Variants in BORCS8 observed in about 807,000 individuals in gnomAD.
BORCS8 encodes the protein BLOC-1 related complex subunit 8.
In BORCS8, 13 loss-of-function variants were observed where a neutral mutation model predicts 18.7. The ratio of observed to expected loss-of-function variants is 0.70; its 90% CI spans 0.45 to 1.11. The LOEUF (loss-of-function observed/expected upper bound fraction) is 1.11. Ranked by LOEUF, BORCS8 falls within the 50% of genes least tolerant of loss-of-function variation. The pLI is 0.00. For synonymous variants in BORCS8, 68 were observed against 64.8 expected, an observed-to-expected ratio of 1.05 and a Z score of -0.24; for missense variants, 165 against 165.7, an observed-to-expected ratio of 1.00 and a Z score of 0.02.
intron 1 of BORCS8, among the ~76,000 whole-genome samples, chr19:19,190,526 C>T (rs951807154): frequency 2.0e-5 from 3 of 152,220 alleles, no homozygotes; most frequent in Non-Finnish European, 4.4e-5. Context: ...CGGTGGCCCA[C>T]GCCTGTAATT....
At chr19:19,188,796 T>C (rs751662411) in intron 1 of BORCS8, among the ~76,000 whole-genome samples, 76 of 152,102 alleles carry the variant, frequency 5.0e-4, no homozygotes, top group Non-Finnish European at 1.0e-3. Flanking sequence ...AGCCCTGCCC[T>C]GTTTCCCCTT....
chr19:19,186,551 TC>T (rs1350310547), intron 2 of BORCS8, among the ~76,000 whole-genome samples: 7 of 152,144 alleles, frequency 4.6e-5, no homozygotes, highest in Admixed American at 4.6e-4. Context: ...ATAAGGGGCC[TC>T]CCCCTTCACT....
In BORCS8 at chr19:19,182,236, A is replaced by G. The variant is rs2060356312; in HGVS notation, c.326+337T>C. On this transcript the variant is annotated intron_variant, in intron 4 of 5. Transcript: ENST00000462790. This position sits in a 1 kb window ranked among gnomAD's most constrained non-coding sequence, Gnocchi z 4.1. Reference sequence around the variant, plus strand: ...CATGTAACTCATGCCACCTCCTAGGAGGGGCCCCGCAGTGTTCTTCACAGC... The same window carrying G: ...CATGTAACTCATGCCACCTCCTAGGGGGGGCCCCGCAGTGTTCTTCACAGC... 1 of 411,624 alleles carries G rather than the reference A, an allele frequency of 2.4e-6. No individual in the cohort carries two copies. The highest frequency in any genetic ancestry group is 7.5e-5 in the South Asian group (1 of 13,376). The allele number at this position is 411,624 out of a possible 1,614,324, so 25.5% of individuals were successfully genotyped here.
chr19:19,189,308 C>A (rs567113119), intron 1 of BORCS8, among the ~76,000 whole-genome samples: 2 of 152,174 alleles, frequency 1.3e-5, no homozygotes, highest in Admixed American at 1.3e-4. Flanking sequence ...CAGCGAGGCA[C>A]GGCCATCTCC....
chr19:19,190,756 C>G (rs1348913918), intron 1 of BORCS8, among the ~76,000 whole-genome samples: 3 of 152,062 alleles, frequency 2.0e-5, no homozygotes, highest in African/African-American at 7.2e-5. Context: ...CCATTGCACT[C>G]CAGCCTTGGC....
Position 19,182,660 on chromosome 19 carries a change from C to T in BORCS8, c.239G>A (p.Ser80Asn). 6.4e-7 allele frequency: 1 copy of T among 1,551,002 alleles called. No individual in the cohort carries two copies. The change falls in exon 4 of 6, where the codon AGC (serine) becomes AAC (asparagine). Residue 80 changes from serine (S) to asparagine (N), a missense_variant. Physicochemically the swap from Ser to Asn is conservative, Grantham distance 46. Coordinates refer to ENST00000462790, the MANE Select transcript of BORCS8 (RefSeq NM_001145784.2). The surrounding 1 kb of genome is among the most constrained non-coding windows in gnomAD (Gnocchi z 4.1). ...CTCCACGCTGCGGAAGTAGACGCTG[C>T]TGTCCACCAGGTTCTTCACGGCGCT... Reference protein sequence around the residue: ...ACSAVKNLVDSSVYFRSVEGL... With the variant: ...ACSAVKNLVDNSVYFRSVEGL...
At chr19:19,185,554 C>T (rs951994842) in intron 3 of BORCS8, among the ~76,000 whole-genome samples, 14 of 152,156 alleles carry the variant, frequency 9.2e-5, no homozygotes, top group African/African-American at 2.7e-4. Context: ...GGCAAGGTGG[C>T]GGGCGCCTGT....
chr19:19,181,255 T>G (rs2060346902), intron 4 of BORCS8, among the ~76,000 whole-genome samples: 1 of 151,238 alleles, frequency 6.6e-6, no homozygotes, highest in African/African-American at 2.4e-5. Flanking sequence ...ATCCCAGCAC[T>G]TTGGGAGGCT....
rs1376064847 is a variant in BORCS8 at position 19,177,696 on chromosome 19, G to GGAAAAAGAAAAGAAAAGAAAAGAAA, written c.*43-237_*43-236insTTTCTTTTCTTTTCTTTTCTTTTTC. On this transcript the variant is annotated intron_variant, in intron 5 of 5. Coordinates refer to ENST00000462790, the MANE Select transcript of BORCS8 (RefSeq NM_001145784.2). ...AGGAAGGAAGGAAGGAAGGAAGGAAGAGAAAAGAAAAGAAAAGAAAAGAAA... is the reference window on the plus strand; with the variant it reads ...AGGAAGGAAGGAAGGAAGGAAGGAAGGAAAAAGAAAAGAAAAGAAAAGAAAAGAAAAGAAAAGAAAAGAAAAGAAA... 1.1e-3 allele frequency: 85 copies of GGAAAAAGAAAAGAAAAGAAAAGAAA among 74,678 alleles called. 5 individuals are homozygous for GGAAAAAGAAAAGAAAAGAAAAGAAA. Among genetic ancestry groups the GGAAAAAGAAAAGAAAAGAAAAGAAA allele is most frequent in the African/African-American group, 4.1e-3 (81 of 19,662 alleles). The allele number at this position is 74,678 out of a possible 1,614,324, so 4.6% of individuals were successfully genotyped here.
At chr19:19,191,920 C>T (rs909830433) in intron 1 of BORCS8, among the ~76,000 whole-genome samples, 161 bp downstream of exon 1, 2 of 152,190 alleles carry the variant, frequency 1.3e-5, no homozygotes, top group African/African-American at 4.8e-5. Context: ...AAAGCAGACA[C>T]GGAGCCTTTC....
In BORCS8 at chr19:19,186,031, C is replaced by T. The variant is rs1235155841; in HGVS notation, c.215+3G>A. On this transcript the variant is annotated splice_donor_region_variant and intron_variant, in intron 3 of 5. Transcript: ENST00000462790. ...CCTGCAGCGGGGAGGCTGTGGCGCT[C>T]ACCTGCAGGCGTACTCCACAGTGTA... 2.6e-6 allele frequency: 4 copies of T among 1,550,664 alleles called. No homozygotes were observed. The South Asian group carries it at 3.6e-5, about 14-fold the overall frequency.
At chr19:19,185,615 G>A (rs1047215970) in intron 3 of BORCS8, among the ~76,000 whole-genome samples, 10 of 152,232 alleles carry the variant, frequency 6.6e-5, no homozygotes, top group African/African-American at 2.4e-4. Context: ...GGACTTGAGA[G>A]GCGGACGTTG....
chr19:19,186,662 T>C (rs1191964903), intron 2 of BORCS8, among the ~76,000 whole-genome samples: 1 of 152,270 alleles, frequency 6.6e-6, no homozygotes, highest in East Asian at 1.9e-4. Flanking sequence ...CCCAGCCCTG[T>C]TGAACTGTGA....
intron 1 of BORCS8, among the ~76,000 whole-genome samples, chr19:19,188,747 T>C (rs1401353026): frequency 2.0e-5 from 3 of 152,024 alleles, no homozygotes; most frequent in East Asian, 3.9e-4. Context: ...CTCTGCAGAT[T>C]TTACCTGAGG....
At chr19:19,191,271 T>C (rs1307268628) in intron 1 of BORCS8, among the ~76,000 whole-genome samples, 2 of 151,234 alleles carry the variant, frequency 1.3e-5, no homozygotes, top group East Asian at 3.9e-4. Flanking sequence ...TGCAGTGAGC[T>C]GAGATCCCCC....
chr19:19,179,527 C>T (rs898310905), intron 5 of BORCS8: 1 of 152,728 alleles, frequency 6.5e-6, no homozygotes, highest in African/African-American at 2.4e-5. Flanking sequence ...GCTTGAAAGG[C>T]CTACAGAGGC....
At chr19:19,191,973 G>C in intron 1 of BORCS8, 108 bp downstream of exon 1, 1 of 1,307,020 alleles carries the variant, frequency 7.7e-7, no homozygotes, top group South Asian at 1.3e-5. Flanking sequence ...GGGATTGGAC[G>C]GCAGTTCAAT....
rs1374563855 is a variant in BORCS8, at chr19:19,177,685, GAAGGAAGGAAGA to G, written c.*43-237_*43-226del. 351 of 55,768 alleles carry G rather than the reference GAAGGAAGGAAGA, an allele frequency of 6.3e-3. 8 individuals are homozygous for G. Among genetic ancestry groups the G allele is most frequent in the African/African-American group, 0.02 (309 of 15,426 alleles). The allele number at this position is 55,768 out of a possible 1,614,324, so 3.5% of individuals were successfully genotyped here. A position where few individuals can be genotyped will look rare whatever the true frequency, so the allele number is the denominator to read the frequency against. Reference sequence around the variant, plus strand: ...GGAAGGAAGGAAGGAAGGAAGGAAGGAAGGAAGGAAGAGAAAAGAAAAGAAAAGAAAAGAAAA... The same window carrying G: ...GGAAGGAAGGAAGGAAGGAAGGAAGGGAAAAGAAAAGAAAAGAAAAGAAAA... On this transcript the variant is annotated intron_variant, in intron 5 of 5. Coordinates refer to ENST00000462790, the MANE Select transcript of BORCS8 (RefSeq NM_001145784.2).
rs1568565265 is a variant in BORCS8 at position 19,182,983 on chromosome 19, A to T, written c.216-300T>A. On this transcript the variant is annotated intron_variant, in intron 3 of 5. Transcript: ENST00000462790. The surrounding 1 kb of genome is among the most constrained non-coding windows in gnomAD (Gnocchi z 4.1). ...TGATAATGGGGGTGTAAAAAATAGG[A>T]AAGAAAAAACACCTGGGCACTGTGG... Among the ~76,000 whole-genome samples, 1 of 152,148 alleles carries T rather than the reference A, an allele frequency of 6.6e-6. No individual in the cohort carries two copies.
Sources: gnomAD v4.1 joint callset for allele counts (sites outside exome capture counted in the v4.1 genomes callset) on GRCh38, gnomAD v4.1.1 for gene constraint, Gnocchi (gnomAD v3.1) non-coding constraint, MANE v1.5 for transcripts, NCBI Gene and HGNC (gene_info 2026-07-23, HGNC 2026-07-21) for gene names.